The following WDFY4 variants were observed in gnomAD, a reference collection of about 807,000 sequenced individuals.
WDFY4 encodes WDFY family member 4.
Under a neutral mutation model 351.9 loss-of-function variants are expected in WDFY4, and 169 were observed. That is an observed-to-expected ratio of 0.48 (90% CI 0.42 to 0.55). The LOEUF is 0.55. Among genes scored for constraint, WDFY4 ranks in the 20% least tolerant of loss-of-function variants. The probability of loss-of-function intolerance (pLI) is 0.00; values close to 1 mark genes in which losing one functional copy is unlikely to be tolerated. For synonymous variants in WDFY4, 1,622 were observed against 1,574.6 expected (o/e 1.03, Z -0.71); for missense variants, 3,803 against 3,935.6 (o/e 0.97, Z 0.90).
Position 48,969,180 on chromosome 10 carries a change from T to C in WDFY4, c.8701T>C (p.Trp2901Arg). ...GAACAAAGTGCTGCTGCCTCCTCTC[T>C]GGAACAGGACCTTCAGCTGGGGCTT... ...ERNKVLLPPLWNRTFSWGFDD... is the reference protein window; with the variant it reads ...ERNKVLLPPLRNRTFSWGFDD... Residue 2901 changes from tryptophan (W) to arginine (R), a missense_variant, in exon 56 of 62, where the codon TGG becomes CGG. Coordinates refer to ENST00000325239, the MANE Select transcript of WDFY4 (RefSeq NM_001394531.1). The C allele has an allele frequency of 6.4e-7, 1 of 1,551,720 alleles. No homozygotes were observed. Among genetic ancestry groups the C allele is most frequent in the Non-Finnish European group, 8.7e-7 (1 of 1,146,970 alleles).
intron 1 of WDFY4, among the ~76,000 whole-genome samples, chr10:48,688,054 A>G (rs1209194038): frequency 6.6e-6 from 1 of 152,146 alleles, no homozygotes; most frequent in Non-Finnish European, 1.5e-5. Flanking sequence ...AAGTGCTGGG[A>G]TTACAGGCAT....
intron 2 of WDFY4, among the ~76,000 whole-genome samples, chr10:48,713,204 C>G (rs2063812592): frequency 6.6e-6 from 1 of 152,142 alleles, no homozygotes; most frequent in African/African-American, 2.4e-5. Context: ...CTGGGTGAAT[C>G]AGGTTGACAG....
chr10:48,746,033 C>A (rs1464366369), intron 12 of WDFY4: 2 of 168,464 alleles, frequency 1.2e-5, no homozygotes. Flanking sequence ...CAGCGCACCA[C>A]CACCTTCCGG....
At chr10:48,942,945 C>A (rs969514174) in intron 48 of WDFY4, among the ~76,000 whole-genome samples, 1 of 152,188 alleles carries the variant, frequency 6.6e-6, no homozygotes, top group African/African-American at 2.4e-5. Flanking sequence ...TCTGGGACTG[C>A]CATGGCCCAT....
rs1165050622 is a variant in WDFY4 at position 48,969,195 on chromosome 10, A to G, written c.8716A>G (p.Ser2906Gly). The change falls in exon 56 of 62, where the codon AGC becomes GGC. Residue 2906 changes from serine (S) to glycine (G), a missense_variant. By Grantham distance (56) the Ser-to-Gly change is moderately conservative. This residue lies in a region of WDFY4 where 3,054 missense variants were observed against 3,148.6 expected (regional missense o/e 0.97). Coordinates refer to ENST00000325239, the MANE Select transcript of WDFY4 (RefSeq NM_001394531.1). ...LLPPLWNRTF[S>G]WGFDDFSCCL... ...GCCTCCTCTCTGGAACAGGACCTTC[A>G]GCTGGGGCTTTGATGACTTCAGCTG... 2 of 1,551,662 alleles carry G rather than the reference A, an allele frequency of 1.3e-6. No homozygotes were observed. The highest frequency in any genetic ancestry group is 1.2e-5 in the South Asian group (1 of 84,066).
At chr10:48,913,360 CCCT>C in intron 47 of WDFY4, 1 of 1,592,314 alleles carries the variant, frequency 6.3e-7, no homozygotes, top group South Asian at 1.1e-5. Context: ...CTCTCTCTTT[CCCT>C]TCTGCCTCAG....
chr10:48,941,868 G>A lies in WDFY4; in HGVS notation c.7629+20G>A, dbSNP rs1160009959. The stretch of plus-strand genomic sequence containing the variant: ...TGGCAGGTACAGTAGCTCCTCCAGA[G>A]GGAAGCCCTCTGGGAATGCAAACCA... On this transcript the variant is annotated intron_variant, in intron 48 of 61. Coordinates refer to ENST00000325239, the MANE Select transcript of WDFY4 (RefSeq NM_001394531.1). 2 of 1,551,518 alleles carry A rather than the reference G, an allele frequency of 1.3e-6. No homozygotes were observed. Among genetic ancestry groups the A allele is most frequent in the African/African-American group, 1.4e-5 (1 of 73,052 alleles).
chr10:48,945,386 AAAG>A (rs1447615419), intron 49 of WDFY4, among the ~76,000 whole-genome samples: 4 of 152,152 alleles, frequency 2.6e-5, no homozygotes, highest in African/African-American at 9.7e-5. Context: ...AGAAAAAAGA[AAAG>A]AAGGAGAGAT....
chr10:48,807,754 C>A, intron 27 of WDFY4, 105 bp from the exon 28 acceptor site: 2 of 1,316,228 alleles, frequency 1.5e-6, no homozygotes, highest in Non-Finnish European at 2.1e-6. Flanking sequence ...AGCCATGCCA[C>A]AATTCCTGGG....
rs188936595 is a variant in WDFY4, at chr10:48,882,013, G to A, written c.7167+4814G>A. 1.5e-4 allele frequency among the ~76,000 whole-genome samples: 23 copies of A among 152,288 alleles called. No homozygotes were observed. The East Asian group carries it at 3.3e-3, about 22-fold the overall frequency. On this transcript the variant is annotated intron_variant, in intron 43 of 61. Coordinates refer to ENST00000325239, the MANE Select transcript of WDFY4 (RefSeq NM_001394531.1). Reference sequence around the variant, plus strand: ...CAAGGAGAGACTTAGCTTCCTCCTCGTCCCTTCCTTCCCTGATACATAGGG... The same window carrying A: ...CAAGGAGAGACTTAGCTTCCTCCTCATCCCTTCCTTCCCTGATACATAGGG...
chr10:48,974,519 A>AAAAAAAAAAAAAAAAAAAAAAAAACAAC lies in WDFY4; in HGVS notation c.8929-333_8929-332insAAAAAAAAAAAAAACAACAAAAAAAAAA, dbSNP rs1352344126. The stretch of plus-strand genomic sequence containing the variant: ...CTCCGTCTCAAAAAAAAAAAAAAAA[A>AAAAAAAAAAAAAAAAAAAAAAAAACAAC]AAAAAAAAAACAACTCATGACATGA... On this transcript the variant is annotated intron_variant, in intron 57 of 61. Transcript: ENST00000325239. Among the ~76,000 whole-genome samples the AAAAAAAAAAAAAAAAAAAAAAAAACAAC allele has an allele frequency of 9.6e-4, 48 of 49,968 alleles. 11 individuals are homozygous for AAAAAAAAAAAAAAAAAAAAAAAAACAAC. The highest frequency in any genetic ancestry group is 1.6e-3 in the East Asian group (2 of 1,290). The allele number at this position is 49,968 out of a possible 152,430, so 32.8% of individuals were successfully genotyped here. A position where few individuals can be genotyped will look rare whatever the true frequency, so the allele number is the denominator to read the frequency against.
chr10:48,854,985 C>T (rs750580080), intron 39 of WDFY4, among the ~76,000 whole-genome samples: 12 of 151,980 alleles, frequency 7.9e-5, no homozygotes, highest in Non-Finnish European at 1.5e-4. Flanking sequence ...ACTTGTAATG[C>T]TCATAATGAT....
intron 2 of WDFY4, among the ~76,000 whole-genome samples, chr10:48,713,415 C>T (rs1308508041): frequency 6.6e-6 from 1 of 152,234 alleles, no homozygotes; most frequent in African/African-American, 2.4e-5. Context: ...CTGAACTTTC[C>T]TCTATCCCTG....
chr10:48,834,570 G>C (rs567441811), intron 39 of WDFY4, among the ~76,000 whole-genome samples: 1 of 152,224 alleles, frequency 6.6e-6, no homozygotes, highest in East Asian at 1.9e-4. Flanking sequence ...AAAACTTGGA[G>C]CATTCCCACT....
At chr10:48,695,098 G>T (rs2063297769) in intron 1 of WDFY4, among the ~76,000 whole-genome samples, 1 of 152,220 alleles carries the variant, frequency 6.6e-6, no homozygotes, top group Non-Finnish European at 1.5e-5. Flanking sequence ...TTGCCTGGAG[G>T]ACAAATGACT....
chr10:48,847,101 C>A (rs1564413053), intron 39 of WDFY4, among the ~76,000 whole-genome samples: 1 of 152,136 alleles, frequency 6.6e-6, no homozygotes, highest in Admixed American at 6.5e-5. Context: ...TTTATTGTCT[C>A]GCAGTCCCGG....
intron 2 of WDFY4, among the ~76,000 whole-genome samples, chr10:48,711,398 A>G (rs1163096602): frequency 6.6e-6 from 1 of 152,158 alleles, no homozygotes; most frequent in African/African-American, 2.4e-5. Flanking sequence ...GAGGTGCGAC[A>G]GTCTTACCCC....
chr10:48,698,063 G>A (rs1459476669), intron 1 of WDFY4, among the ~76,000 whole-genome samples: 1 of 152,168 alleles, frequency 6.6e-6, no homozygotes, highest in Admixed American at 6.5e-5. Flanking sequence ...GGGATGCGTT[G>A]TCCATTACAG....
rs746895670 is a variant in WDFY4, at chr10:48,820,217, G to T, written c.5506-17G>T. 1.5e-5 allele frequency: 23 copies of T among 1,551,596 alleles called. No homozygotes were observed. In the East Asian group the frequency reaches 5.6e-4, roughly 38 times the overall value. ...GGCAGGGCAGGCCACTCATGTTGGGGTTCTCTTGTCTTTGAGGGGGTTGGG... is the reference window on the plus strand; with the variant it reads ...GGCAGGGCAGGCCACTCATGTTGGGTTTCTCTTGTCTTTGAGGGGGTTGGG... On this transcript the variant is annotated splice_polypyrimidine_tract_variant and intron_variant, in intron 32 of 61. Transcript: ENST00000325239.
Sources: allele counts gnomAD v4.1 joint callset (sites outside exome capture counted in the v4.1 genomes callset), GRCh38; gene constraint gnomAD v4.1.1; regional missense constraint gnomAD v4.1.1; transcripts MANE v1.5; gene names NCBI Gene and HGNC (gene_info 2026-07-23, HGNC 2026-07-21).